The following ZC3H12B variants were observed in gnomAD, a reference collection of about 807,000 sequenced individuals.
ZC3H12B encodes the protein zinc finger CCCH-type containing 12B.
A neutral mutation model predicts 43.9 loss-of-function variants in ZC3H12B; 7 were observed. The observed-to-expected ratio is 0.16, with a 90% CI of 0.09 to 0.30. The LOEUF is 0.30. Ranked by LOEUF, ZC3H12B falls within the 10% of genes least tolerant of loss-of-function variation. ZC3H12B has a pLI of 1.00. For missense variants in ZC3H12B, 475 were observed against 670.2 expected, an observed-to-expected ratio of 0.71 and a Z score of 3.22; for synonymous variants, 222 against 241.7, an observed-to-expected ratio of 0.92 and a Z score of 0.76.
At chrX:65,097,644 C>G in the ZC3H12B span, among the ~76,000 whole-genome samples, 53 of 111,971 alleles carry the variant, frequency 4.7e-4, no homozygotes, top group African/African-American at 1.6e-3. Context: ...CTTCAGTTCT[C>G]TCATAACCAT....
At chrX:65,185,994 G>C in the ZC3H12B span, 1 of 111,513 alleles carries the variant, frequency 9.0e-6, no homozygotes, top group Non-Finnish European at 1.9e-5. Flanking sequence ...AAGTTTAACA[G>C]TACTACAATC....
chrX:65,178,117 C>T, the ZC3H12B span, among the ~76,000 whole-genome samples: 1 of 112,027 alleles, frequency 8.9e-6, no homozygotes, highest in East Asian at 2.8e-4. Context: ...CACACATCTA[C>T]AACCATCTGA....
chrX:65,410,925 C>T (rs2066896633), intron 3 of ZC3H12B, among the ~76,000 whole-genome samples: 1 of 112,032 alleles, frequency 8.9e-6, no homozygotes, highest in African/African-American at 3.2e-5. Flanking sequence ...AAAAATAGAG[C>T]TATTATATGA....
chrX:65,430,954 C>T (rs1225202723), intron 3 of ZC3H12B, among the ~76,000 whole-genome samples: 1 of 111,438 alleles, frequency 9.0e-6, no homozygotes, highest in Non-Finnish European at 1.9e-5. Flanking sequence ...ATTCACTCAC[C>T]CATTTTGTTC....
the ZC3H12B span, among the ~76,000 whole-genome samples, chrX:65,168,098 A>T: frequency 9.0e-6 from 1 of 111,723 alleles, no homozygotes; most frequent in African/African-American, 3.3e-5. Context: ...GAGAGAGGAC[A>T]TCCCTGTCTT....
At chrX:65,310,657 A>C in the ZC3H12B span, among the ~76,000 whole-genome samples, 1 of 111,998 alleles carries the variant, frequency 8.9e-6, no homozygotes, top group African/African-American at 3.3e-5. Flanking sequence ...TTTAAAGTTC[A>C]TATGGAGCCA....
chrX:65,373,233 A>AG (rs1438698644), intron 2 of ZC3H12B, among the ~76,000 whole-genome samples: 1 of 112,009 alleles, frequency 8.9e-6, no homozygotes, highest in Non-Finnish European at 1.9e-5. Flanking sequence ...TTAAAACGTC[A>AG]GGAAACAGCA....
chrX:65,054,540 T>G, the ZC3H12B span, among the ~76,000 whole-genome samples: 1 of 111,882 alleles, frequency 8.9e-6, no homozygotes, highest in Non-Finnish European at 1.9e-5. Flanking sequence ...AGCTTTGTTC[T>G]TTTGGCTTAG....
chrX:65,344,246 C>T, the ZC3H12B span, among the ~76,000 whole-genome samples: 5 of 111,973 alleles, frequency 4.5e-5, no homozygotes, highest in Non-Finnish European at 9.4e-5. Flanking sequence ...GTTAAAATGG[C>T]CACAGTGCCC....
chrX:65,082,112 A>C, the ZC3H12B span, among the ~76,000 whole-genome samples: 1 of 111,964 alleles, frequency 8.9e-6, no homozygotes, highest in African/African-American at 3.2e-5. Flanking sequence ...CCTATGTGAT[A>C]CAGCAAAAGC....
the ZC3H12B span, among the ~76,000 whole-genome samples, chrX:65,095,579 C>A: frequency 1.8e-5 from 2 of 111,436 alleles, no homozygotes; most frequent in South Asian, 3.8e-4. Context: ...TTGGTTCTTA[C>A]AATGAAGATC....
At chrX:65,248,223 T>C in the ZC3H12B span, among the ~76,000 whole-genome samples, 2 of 110,647 alleles carry the variant, frequency 1.8e-5, no homozygotes, top group Non-Finnish European at 3.8e-5. Flanking sequence ...CTTTAAGTAG[T>C]GATGGGGTTT....
chrX:65,366,592 T>C, upstream of ZC3H12B: 1 of 111,997 alleles, frequency 8.9e-6, no homozygotes. Flanking sequence ...GAGGGGTTTA[T>C]GTAATTAACA....
chrX:65,388,877 G>T (rs1258167630), intron 2 of ZC3H12B, among the ~76,000 whole-genome samples: 2 of 112,123 alleles, frequency 1.8e-5, no homozygotes, highest in East Asian at 2.8e-4. Flanking sequence ...TCAGCTGCAG[G>T]TCTGTTGCAG....
At chrX:65,225,954 G>A in the ZC3H12B span, among the ~76,000 whole-genome samples, 1 of 111,985 alleles carries the variant, frequency 8.9e-6, no homozygotes, top group Admixed American at 9.5e-5. Flanking sequence ...ACACTCTGCA[G>A]GATATTATCC....
chrX:65,206,557 T>G, the ZC3H12B span, among the ~76,000 whole-genome samples: 2 of 111,939 alleles, frequency 1.8e-5, no homozygotes, highest in Non-Finnish European at 3.8e-5. Context: ...ACTATAAAGA[T>G]TCTAGAAGGT....
chrX:65,121,809 T>G, the ZC3H12B span, among the ~76,000 whole-genome samples: 2 of 111,655 alleles, frequency 1.8e-5, no homozygotes, highest in African/African-American at 6.5e-5. Context: ...TACTCACTGC[T>G]TTGAATGTGT....
intron 2 of ZC3H12B, among the ~76,000 whole-genome samples, chrX:65,385,082 T>C (rs2066502541): frequency 8.9e-6 from 1 of 112,168 alleles, no homozygotes; most frequent in African/African-American, 3.2e-5. Flanking sequence ...TCAGGTAGCA[T>C]GATGTCGCCA....
intron 2 of ZC3H12B, among the ~76,000 whole-genome samples, chrX:65,379,797 C>T (rs2066409416): frequency 8.9e-6 from 1 of 112,194 alleles, no homozygotes; most frequent in Non-Finnish European, 1.9e-5. Context: ...GGCTCAAGAA[C>T]TACGTGAAGA....
Sources: allele counts gnomAD v4.1 joint callset (sites outside exome capture counted in the v4.1 genomes callset), GRCh38; gene constraint gnomAD v4.1.1; transcripts MANE v1.5; gene names NCBI Gene and HGNC (gene_info 2026-07-23, HGNC 2026-07-21).